The following PDZD2 variants were observed in gnomAD, a reference collection of about 807,000 sequenced individuals.
PDZD2 encodes PDZ domain-containing protein 2.
In PDZD2, 90 loss-of-function variants were observed where a neutral mutation model predicts 220.7. The observed-to-expected ratio is 0.41, with a 90% CI of 0.34 to 0.49. PDZD2 has a LOEUF of 0.49. PDZD2 is among the 20% of genes least tolerant of loss of function. The probability of loss-of-function intolerance (pLI) is 0.28; values close to 1 mark genes in which losing one functional copy is unlikely to be tolerated. For missense variants in PDZD2, 3,174 were observed against 3,608.5 expected (o/e 0.88, Z 3.08); for synonymous variants, 1,375 against 1,450.5 (o/e 0.95, Z 1.18).
At position 31,971,330 on chromosome 5, in the gene PDZD2, A is replaced by AT. The variant is rs201819118; in HGVS notation, c.477-11824dup. On this transcript the variant is annotated intron_variant, in intron 2 of 24. Coordinates refer to ENST00000438447, the MANE Select transcript of PDZD2 (RefSeq NM_178140.4). ...GCTGTGTCCTCTTACAGTAGGAAGA[A>AT]TGGAAGAGCAGAAAAGGCCTTGCTA... 5.5e-3 allele frequency among the ~76,000 whole-genome samples: 838 copies of AT among 152,300 alleles called. 10 individuals carry two copies. The highest frequency in any genetic ancestry group is 0.031 in the South Asian group (149 of 4,822).
At chr5:31,643,292 C>T (rs1443830962) in intron 1 of PDZD2, among the ~76,000 whole-genome samples, 2 of 152,216 alleles carry the variant, frequency 1.3e-5, no homozygotes, top group Admixed American at 6.5e-5. Flanking sequence ...TTTTGGACTA[C>T]TCTGAGCAGT....
chr5:31,749,372 T>C (rs1396727021), intron 1 of PDZD2, among the ~76,000 whole-genome samples: 1 of 152,036 alleles, frequency 6.6e-6, no homozygotes, highest in African/African-American at 2.4e-5. Context: ...GGGGTAGACG[T>C]CTGTCTCCAT....
intron 1 of PDZD2, among the ~76,000 whole-genome samples, chr5:31,698,440 C>CAAA (rs371319785): frequency 1.4e-5 from 2 of 147,310 alleles, no homozygotes; most frequent in African/African-American, 5.0e-5. Context: ...CTAAAAAATA[C>CAAA]AAAAAAAAAT....
At chr5:32,007,059 G>A (rs1385207744) in intron 5 of PDZD2, among the ~76,000 whole-genome samples, 1 of 152,072 alleles carries the variant, frequency 6.6e-6, no homozygotes, top group Non-Finnish European at 1.5e-5. Context: ...GGGACTACAG[G>A]CGCCCGCCAC....
intron 1 of PDZD2, among the ~76,000 whole-genome samples, chr5:31,680,963 T>A (rs1362044477): frequency 1.3e-5 from 2 of 152,172 alleles, no homozygotes; most frequent in Non-Finnish European, 1.5e-5. Context: ...ACACCCATTC[T>A]GGGGACTGGC....
At chr5:31,895,368 A>G (rs1741450589) in intron 2 of PDZD2, among the ~76,000 whole-genome samples, 2 of 152,096 alleles carry the variant, frequency 1.3e-5, no homozygotes. Flanking sequence ...GAGGCCTGAG[A>G]AAGACTCCTT....
chr5:32,070,763 A>G (rs1421741255), intron 15 of PDZD2, among the ~76,000 whole-genome samples: 2 of 152,260 alleles, frequency 1.3e-5, no homozygotes, highest in Non-Finnish European at 2.9e-5. Context: ...TGGGAGGCCA[A>G]GGCGGGCAGA....
rs1220780440 is a variant in PDZD2 at position 32,109,695 on chromosome 5, A to T, written c.*1560A>T. 1 of 152,210 alleles carries T rather than the reference A, an allele frequency of 6.6e-6. No homozygotes were observed. The highest frequency in any genetic ancestry group is 1.5e-5 in the Non-Finnish European group (1 of 68,036). The allele number at this position is 152,210 out of a possible 1,614,324, so 9.4% of individuals were successfully genotyped here. ...TGCATTTGCCATACCTGTGTGCATGACACTAAGATTTTATGTTGGAGATAC... is the reference window on the plus strand; with the variant it reads ...TGCATTTGCCATACCTGTGTGCATGTCACTAAGATTTTATGTTGGAGATAC... On this transcript the variant is annotated 3_prime_UTR_variant, in exon 25 of 25. Transcript: ENST00000438447.
intron 1 of PDZD2, among the ~76,000 whole-genome samples, chr5:31,731,841 T>A (rs949190818): frequency 7.9e-5 from 12 of 152,242 alleles, no homozygotes; most frequent in African/African-American, 2.9e-4. Flanking sequence ...TTGAATAACT[T>A]ATCAGTTCAT....
chr5:32,086,999 GA>G (rs1403221172), intron 19 of PDZD2, 131 bp from the exon 20 acceptor site: 14 of 637,858 alleles, frequency 2.2e-5, no homozygotes, highest in African/African-American at 1.3e-4. Flanking sequence ...TTCTGAAAAA[GA>G]AAAAAATATT....
At chr5:31,977,316 A>G (rs1017112654) in intron 2 of PDZD2, among the ~76,000 whole-genome samples, 2 of 152,180 alleles carry the variant, frequency 1.3e-5, no homozygotes, top group African/African-American at 4.8e-5. Context: ...GGTTTTGGCA[A>G]AACAGTCAAA....
intron 2 of PDZD2, among the ~76,000 whole-genome samples, chr5:31,853,462 G>C (rs765682148): frequency 1.4e-4 from 22 of 152,170 alleles, no homozygotes; most frequent in Non-Finnish European, 3.2e-4. Context: ...TGGGTTGGCT[G>C]TTGTGCCCAC....
chr5:31,645,139 G>A (rs963796009), intron 1 of PDZD2, among the ~76,000 whole-genome samples: 5 of 152,104 alleles, frequency 3.3e-5, no homozygotes, highest in African/African-American at 9.7e-5. Flanking sequence ...CCTTGAAAGG[G>A]CATTATCCAA....
At chr5:31,681,992 C>A (rs1746669038) in intron 1 of PDZD2, among the ~76,000 whole-genome samples, 1 of 152,150 alleles carries the variant, frequency 6.6e-6, no homozygotes, top group Non-Finnish European at 1.5e-5. Flanking sequence ...TAGTATAGGA[C>A]CAAAAGAGGG....
Position 32,089,562 on chromosome 5 carries a change from G to A in PDZD2, c.6114G>A (p.Pro2038=), listed in dbSNP as rs778706404. 1.3e-5 allele frequency: 21 copies of A among 1,612,084 alleles called. No homozygotes were observed. Among genetic ancestry groups the A allele is most frequent in the Middle Eastern group, 1.6e-4 (1 of 6,084 alleles). Residue 2038 remains proline (P), a synonymous_variant, in exon 20 of 25, where the codon CCG becomes CCA. Coordinates refer to ENST00000438447, the MANE Select transcript of PDZD2 (RefSeq NM_178140.4). The part of the protein sequence containing the change: ...APRADSGPVS[P]AASRNGMSVA... ...GTGCTGACTCCGGGCCGGTGAGTCC[G>A]GCAGCGTCTAGGAACGGCATGTCCG...
chr5:31,693,227 T>G (rs571156181), intron 1 of PDZD2, among the ~76,000 whole-genome samples: 4 of 135,522 alleles, frequency 3.0e-5, no homozygotes, highest in Non-Finnish European at 6.3e-5. Flanking sequence ...GGCAGGAGGA[T>G]AGTGGGAAAG....
intron 2 of PDZD2, among the ~76,000 whole-genome samples, chr5:31,906,582 C>T (rs1742678462): frequency 6.6e-6 from 1 of 152,060 alleles, no homozygotes; most frequent in East Asian, 1.9e-4. Flanking sequence ...GTGGCTCACC[C>T]CTGTAATCCT....
intron 1 of PDZD2, among the ~76,000 whole-genome samples, chr5:31,751,242 C>A (rs1461037166): frequency 4.5e-4 from 59 of 131,532 alleles, no homozygotes; most frequent in Middle Eastern, 3.9e-3. Flanking sequence ...AGTACATCTC[C>A]AAAAAAAAAA....
rs1742737907 is a variant in PDZD2 at position 32,088,410 on chromosome 5, C to T, written c.4962C>T (p.Gly1654=). Residue 1654 remains glycine, a synonymous_variant, in exon 20 of 25, where the codon GGC becomes GGT. Transcript: ENST00000438447. This position sits in a 1 kb window ranked among gnomAD's most constrained non-coding sequence, Gnocchi z 4.6. The part of the protein sequence containing the change: ...SPREKAACLP[G]SYTSGPDSSQ... ...GTGAGAAGGCCGCCTGCTTGCCAGG[C>T]TCATACACTTCAGGCCCAGACTCTT... 6.2e-7 allele frequency: 1 copy of T among 1,614,038 alleles called. No homozygotes were observed. Among genetic ancestry groups the T allele is most frequent in the Non-Finnish European group, 8.5e-7 (1 of 1,179,948 alleles).
Sources: allele counts gnomAD v4.1 joint callset (sites outside exome capture counted in the v4.1 genomes callset), GRCh38; gene constraint gnomAD v4.1.1; non-coding constraint Gnocchi (gnomAD v3.1); transcripts MANE v1.5; gene names NCBI Gene and HGNC (gene_info 2026-07-23, HGNC 2026-07-21).